Variants in VAMP7 observed in about 807,000 individuals in gnomAD.
VAMP7 encodes the protein vesicle associated membrane protein 7.
A neutral mutation model predicts 29.6 loss-of-function variants in VAMP7; 14 were observed. The ratio of observed to expected loss-of-function variants is 0.47; its 90% confidence interval spans 0.31 to 0.74. The LOEUF (loss-of-function observed/expected upper bound fraction) is 0.74. Ranked by LOEUF, VAMP7 falls within the 30% of genes least tolerant of loss-of-function variation. VAMP7 has a pLI of 0.05. For missense variants in VAMP7, 223 were observed against 262.4 expected, an observed-to-expected ratio of 0.85 and a Z score of 1.04; for synonymous variants, 95 against 88.1, an observed-to-expected ratio of 1.08 and a Z score of -0.44.
At chrX:155,916,224 C>A (rs922840201) in intron 5 of VAMP7, among the ~76,000 whole-genome samples, 3 of 151,884 alleles carry the variant, frequency 2.0e-5, no homozygotes, top group African/African-American at 7.3e-5. Context: ...AATCCTCTAT[C>A]CCTTTATTTT....
chrX:155,923,514 A>G (rs192812757), intron 6 of VAMP7, among the ~76,000 whole-genome samples: 2 of 151,858 alleles, frequency 1.3e-5, no homozygotes, highest in East Asian at 3.9e-4. Context: ...ACGGTGGTTC[A>G]TCACTGTCTT....
chrX:155,893,608 G>A (rs2065950978), intron 2 of VAMP7, among the ~76,000 whole-genome samples: 1 of 152,146 alleles, frequency 6.6e-6, no homozygotes, highest in Non-Finnish European at 1.5e-5. Flanking sequence ...CTTGATGAGG[G>A]CCTTCTTCCT....
chrX:155,899,899 A>C (rs750992957), intron 4 of VAMP7, among the ~76,000 whole-genome samples: 1 of 152,138 alleles, frequency 6.6e-6, no homozygotes, highest in Admixed American at 6.6e-5. Context: ...AGCACTTAAC[A>C]CAATGAAATG....
At chrX:155,934,067 G>C (rs1243172852) in intron 6 of VAMP7, among the ~76,000 whole-genome samples, 1 of 152,192 alleles carries the variant, frequency 6.6e-6, no homozygotes, top group African/African-American at 2.4e-5. Flanking sequence ...CTGAGAGACA[G>C]TTTGTTATAA....
intron 1 of VAMP7, among the ~76,000 whole-genome samples, chrX:155,884,106 A>G (rs1008057318): frequency 1.3e-5 from 2 of 152,012 alleles, no homozygotes; most frequent in Non-Finnish European, 2.9e-5. Flanking sequence ...TGTCAGATAA[A>G]AGCCTCAAGT....
chrX:155,936,099 G>C (rs1301414503), intron 6 of VAMP7, among the ~76,000 whole-genome samples: 1 of 152,032 alleles, frequency 6.6e-6, no homozygotes, highest in Non-Finnish European at 1.5e-5. Flanking sequence ...TGAGGTGTCA[G>C]TCTGCCTCTA....
At chrX:155,939,613 T>C (rs932849755) in intron 6 of VAMP7, 88 bp from the exon 7 acceptor site, 38 of 936,324 alleles carry the variant, frequency 4.1e-5, no homozygotes, top group Non-Finnish European at 6.4e-5. Flanking sequence ...TAAATGGAAT[T>C]AATGGAAGTA....
chrX:155,927,245 G>T (rs918716339), intron 6 of VAMP7, among the ~76,000 whole-genome samples: 2 of 151,838 alleles, frequency 1.3e-5, no homozygotes, highest in Non-Finnish European at 2.9e-5. Flanking sequence ...GGGAGGGATA[G>T]CATTAGGAGA....
intron 7 of VAMP7, among the ~76,000 whole-genome samples, chrX:155,941,164 A>T (rs2066737902): frequency 6.6e-6 from 1 of 151,324 alleles, no homozygotes; most frequent in African/African-American, 2.5e-5. Flanking sequence ...AAAAAATAAA[A>T]AATAAATAAA....
At chrX:155,896,822 A>G (rs2065994246) in intron 3 of VAMP7, among the ~76,000 whole-genome samples, 1 of 152,092 alleles carries the variant, frequency 6.6e-6, no homozygotes, top group Non-Finnish European at 1.5e-5. Context: ...CCTAATCTTT[A>G]TTGTATCACA....
chrX:155,927,809 A>G (rs1211009944), intron 6 of VAMP7, among the ~76,000 whole-genome samples: 1 of 139,736 alleles, frequency 7.2e-6, no homozygotes, highest in Non-Finnish European at 1.6e-5. Flanking sequence ...ATGCCATTCC[A>G]TTTTTCTTTG....
At chrX:155,909,852 G>A (rs143107767) in intron 5 of VAMP7, among the ~76,000 whole-genome samples, 128 of 152,038 alleles carry the variant, frequency 8.4e-4, no homozygotes, top group African/African-American at 2.7e-3. Flanking sequence ...TATGGGGTAC[G>A]TGTGATATTT....
chrX:155,898,538 G>A (rs1416094403), intron 4 of VAMP7, among the ~76,000 whole-genome samples: 2 of 151,998 alleles, frequency 1.3e-5, no homozygotes, highest in African/African-American at 4.8e-5. Context: ...AATGTGTTCA[G>A]CATGCCAAAT....
chrX:155,906,866 A>G (rs1330698009), intron 5 of VAMP7, among the ~76,000 whole-genome samples: 3 of 152,178 alleles, frequency 2.0e-5, no homozygotes, highest in African/African-American at 2.4e-5. Flanking sequence ...AAGTGGTAAG[A>G]GTGGACATCA....
chrX:155,891,009 G>A (rs1602911440), intron 2 of VAMP7, among the ~76,000 whole-genome samples: 1 of 152,146 alleles, frequency 6.6e-6, no homozygotes, highest in Non-Finnish European at 1.5e-5. Context: ...AGCAATTAGT[G>A]CTTTCCACTT....
At chrX:155,914,492 G>A (rs186443985) in intron 5 of VAMP7, among the ~76,000 whole-genome samples, 22 of 152,284 alleles carry the variant, frequency 1.4e-4, no homozygotes, top group Admixed American at 2.6e-4. Context: ...GATATTGGAT[G>A]TGGGTTTGTC....
intron 5 of VAMP7, among the ~76,000 whole-genome samples, chrX:155,910,890 T>A (rs1474153169): frequency 6.6e-6 from 1 of 152,188 alleles, no homozygotes; most frequent in Non-Finnish European, 1.5e-5. Flanking sequence ...CAACTGGTTG[T>A]CTCTTCACTC....
At chrX:155,941,182 G>A (rs900894153) in intron 7 of VAMP7, among the ~76,000 whole-genome samples, 4 of 151,946 alleles carry the variant, frequency 2.6e-5, no homozygotes, top group Admixed American at 6.6e-5. Context: ...AAAATAAAGT[G>A]ACTAATGCAG....
At chrX:155,910,606 T>C (rs2066223545) in intron 5 of VAMP7, among the ~76,000 whole-genome samples, 1 of 151,622 alleles carries the variant, frequency 6.6e-6, no homozygotes, top group Non-Finnish European at 1.5e-5. Context: ...TTTTTCCTTA[T>C]ACTAGCCAGC....
Sources: allele counts gnomAD v4.1 joint callset (sites outside exome capture counted in the v4.1 genomes callset), GRCh38; gene constraint gnomAD v4.1.1; transcripts MANE v1.5; gene names NCBI Gene and HGNC (gene_info 2026-07-23, HGNC 2026-07-21).